Variants in LHFPL3 observed in about 807,000 individuals in gnomAD.
The protein encoded by LHFPL3 is LHFPL tetraspan subfamily member 3 protein.
Under a neutral mutation model 19.3 loss-of-function variants are expected in LHFPL3, and 5 were observed. The ratio of observed to expected loss-of-function variants is 0.26; its 90% CI spans 0.14 to 0.54. The LOEUF is 0.54. LHFPL3 is among the 20% of genes least tolerant of loss of function. The pLI is 0.94. For synonymous variants in LHFPL3, 133 were observed against 126.2 expected, an observed-to-expected ratio of 1.05 and a Z score of -0.36; for missense variants, 249 against 307.4, an observed-to-expected ratio of 0.81 and a Z score of 1.42.
At chr7:104,710,772 G>C (rs1448826877) in intron 1 of LHFPL3, among the ~76,000 whole-genome samples, 1 of 152,164 alleles carries the variant, frequency 6.6e-6, no homozygotes, top group Non-Finnish European at 1.5e-5. Context: ...CTCAATAAAT[G>C]TTGGCTATTA....
rs201257662 is a variant in LHFPL3, at chr7:104,454,668, A to G, written c.445+125444A>G. On this transcript the variant is annotated intron_variant, in intron 1 of 2. Transcript: ENST00000424859. ...TAACTGTTCAGGGTTATTGGGGTAA[A>G]TCAATGAGATCCCATATGCAGAGTA... is the stretch of plus-strand genomic sequence containing the variant. 1.1e-4 allele frequency among the ~76,000 whole-genome samples: 16 copies of G among 152,230 alleles called. No homozygotes were observed. In the East Asian group the frequency reaches 3.1e-3, roughly 29 times the overall value.
At chr7:104,883,325 A>T (rs958867051) in intron 2 of LHFPL3, among the ~76,000 whole-genome samples, 2 of 152,210 alleles carry the variant, frequency 1.3e-5, no homozygotes, top group African/African-American at 4.8e-5. Flanking sequence ...AACTGATATT[A>T]ATAGTTACAT....
intron 2 of LHFPL3, among the ~76,000 whole-genome samples, chr7:104,852,610 G>A (rs1791432347): frequency 6.6e-6 from 1 of 152,224 alleles, no homozygotes; most frequent in Non-Finnish European, 1.5e-5. Flanking sequence ...CCAGCTCCAT[G>A]TTCTTTGCTC....
chr7:104,806,626 T>C (rs1055741674), intron 2 of LHFPL3, among the ~76,000 whole-genome samples: 1 of 151,840 alleles, frequency 6.6e-6, no homozygotes, highest in Admixed American at 6.6e-5. Flanking sequence ...GTTTTCAACA[T>C]GAAAAAAAAA....
intron 1 of LHFPL3, among the ~76,000 whole-genome samples, chr7:104,574,617 T>C (rs1790287877): frequency 6.6e-6 from 1 of 152,120 alleles, no homozygotes; most frequent in Non-Finnish European, 1.5e-5. Flanking sequence ...GCTTTGAAAA[T>C]GTGAGAATTG....
At chr7:104,756,485 C>T (rs1794287743) in intron 2 of LHFPL3, among the ~76,000 whole-genome samples, 1 of 151,946 alleles carries the variant, frequency 6.6e-6, no homozygotes, top group East Asian at 1.9e-4. Flanking sequence ...ACATTTTAAG[C>T]ACGACAATTT....
In LHFPL3 at chr7:104,481,270, T is replaced by C. The variant is rs576923340; in HGVS notation, c.445+152046T>C. Among the ~76,000 whole-genome samples, 3 of 152,284 alleles carry C rather than the reference T, an allele frequency of 2.0e-5. No individual in the cohort carries two copies. In the South Asian group the frequency reaches 6.2e-4, roughly 32 times the overall value. On this transcript the variant is annotated intron_variant, in intron 1 of 2. Transcript: ENST00000424859. ...CTCCGGTCTCACTCCCGAAAACCCA[T>C]CTACCACATTGTTTCAGAAAGAATC...
chr7:104,858,639 G>C (rs918246560), intron 2 of LHFPL3, among the ~76,000 whole-genome samples: 1 of 152,038 alleles, frequency 6.6e-6, no homozygotes. Context: ...ACTCATCAAT[G>C]ACAGCTCCAA....
intron 1 of LHFPL3, among the ~76,000 whole-genome samples, chr7:104,461,211 A>G (rs118053936): frequency 6.6e-6 from 1 of 152,162 alleles, no homozygotes; most frequent in African/African-American, 2.4e-5. Flanking sequence ...AAACCATCAG[A>G]TCTCCTGAGA....
At chr7:104,392,549 G>A (rs989809240) in intron 1 of LHFPL3, among the ~76,000 whole-genome samples, 3 of 151,378 alleles carry the variant, frequency 2.0e-5, no homozygotes, top group East Asian at 1.9e-4. Context: ...CTTGATCATG[G>A]TGGATAAGCT....
intron 1 of LHFPL3, among the ~76,000 whole-genome samples, chr7:104,596,010 G>A (rs565801369): frequency 6.6e-6 from 1 of 152,368 alleles, no homozygotes; most frequent in South Asian, 2.1e-4. Context: ...AACCCCTTGT[G>A]CTTCCCGGGT....
intron 2 of LHFPL3, among the ~76,000 whole-genome samples, chr7:104,871,108 T>C (rs984632173): frequency 6.6e-6 from 1 of 152,188 alleles, no homozygotes. Flanking sequence ...TTCTGAGAAA[T>C]GCATTGTTAG....
chr7:104,875,027 T>A (rs961863449), intron 2 of LHFPL3, among the ~76,000 whole-genome samples: 1 of 151,710 alleles, frequency 6.6e-6, no homozygotes, highest in African/African-American at 2.4e-5. Flanking sequence ...ATTTTTTTTT[T>A]TAGAGAGATG....
chr7:104,492,171 T>A (rs1411972899), intron 1 of LHFPL3, among the ~76,000 whole-genome samples: 1 of 152,246 alleles, frequency 6.6e-6, no homozygotes, highest in African/African-American at 2.4e-5. Context: ...GTTACTTGCG[T>A]AACAATGCTA....
intron 1 of LHFPL3, among the ~76,000 whole-genome samples, chr7:104,559,396 A>G (rs1485476558): frequency 4.7e-5 from 7 of 150,084 alleles, no homozygotes; most frequent in Non-Finnish European, 1.0e-4. Context: ...GGTCCTTCAC[A>G]TCCCTTGTAA....
intron 1 of LHFPL3, among the ~76,000 whole-genome samples, chr7:104,494,302 C>T (rs1793414935): frequency 6.6e-6 from 1 of 152,138 alleles, no homozygotes; most frequent in African/African-American, 2.4e-5. Flanking sequence ...CCATCTGGTG[C>T]CAACCTATAT....
intron 1 of LHFPL3, among the ~76,000 whole-genome samples, chr7:104,733,015 T>C (rs1048912790): frequency 2.0e-5 from 3 of 152,222 alleles, no homozygotes; most frequent in African/African-American, 7.2e-5. Flanking sequence ...TTGTTCAGTT[T>C]CCATGTAGTT....
intron 2 of LHFPL3, among the ~76,000 whole-genome samples, chr7:104,763,445 G>A (rs1217589263): frequency 6.6e-6 from 1 of 152,216 alleles, no homozygotes; most frequent in Non-Finnish European, 1.5e-5. Flanking sequence ...TTAACTCACT[G>A]AACTATATTG....
At chr7:104,570,522 A>G (rs1475099610) in intron 1 of LHFPL3, among the ~76,000 whole-genome samples, 3 of 152,210 alleles carry the variant, frequency 2.0e-5, no homozygotes, top group Non-Finnish European at 2.9e-5. Context: ...ACGCAAAAAT[A>G]ATGGAGCAAT....
Sources: allele counts gnomAD v4.1 joint callset (sites outside exome capture counted in the v4.1 genomes callset), GRCh38; gene constraint gnomAD v4.1.1; transcripts MANE v1.5; gene names NCBI Gene and HGNC (gene_info 2026-07-23, HGNC 2026-07-21).